Variants in SCFD2 observed in about 807,000 individuals in gnomAD.
SCFD2 encodes sec1 family domain-containing protein 2.
In SCFD2, 54 loss-of-function variants were observed where a neutral mutation model predicts 58.9. The observed-to-expected ratio is 0.92, with a 90% CI of 0.74 to 1.15. The LOEUF (loss-of-function observed/expected upper bound fraction) is 1.15, where lower values mean the gene tolerates loss of function less well. Among genes scored for constraint, SCFD2 ranks in the 50% most tolerant of loss-of-function variants. SCFD2 has a pLI of 0.00. For missense variants in SCFD2, 805 were observed against 836.6 expected, an observed-to-expected ratio of 0.96 and a Z score of 0.47; for synonymous variants, 321 against 335.9, an observed-to-expected ratio of 0.96 and a Z score of 0.49.
intron 5 of SCFD2, among the ~76,000 whole-genome samples, chr4:53,049,103 C>T (rs1157534493): frequency 1.3e-5 from 2 of 152,178 alleles, no homozygotes; most frequent in Non-Finnish European, 1.5e-5. Context: ...TTCTTTCAAC[C>T]CAGTTCAGTT....
chr4:52,956,160 A>C (rs1720707595), intron 5 of SCFD2: 1 of 456,562 alleles, frequency 2.2e-6, no homozygotes, highest in Non-Finnish European at 4.4e-6. Flanking sequence ...GAAGCCCAAG[A>C]CTACTGCTGG....
chr4:53,240,183 CG>C (rs1729850461), intron 4 of SCFD2, among the ~76,000 whole-genome samples: 1 of 152,126 alleles, frequency 6.6e-6, no homozygotes, highest in African/African-American at 2.4e-5. Flanking sequence ...GATATGAAGT[CG>C]GGCCCAGGTC....
intron 1 of SCFD2, among the ~76,000 whole-genome samples, chr4:53,358,471 T>C (rs1734459976): frequency 6.6e-6 from 1 of 151,948 alleles, no homozygotes; most frequent in Admixed American, 6.6e-5. Context: ...AAGAATCATT[T>C]GAACCTGGAA....
chr4:52,957,389 C>T (rs1420128528), intron 5 of SCFD2: 1 of 152,212 alleles, frequency 6.6e-6, no homozygotes, highest in Non-Finnish European at 1.5e-5. Context: ...TTTAAAGAAT[C>T]AGCGGGATAG....
In SCFD2 at chr4:52,873,527, A is replaced by T. The variant is rs954513762; in HGVS notation, c.*442T>A. 5 of 156,258 alleles carry T rather than the reference A, an allele frequency of 3.2e-5. No individual in the cohort carries two copies. Among genetic ancestry groups the T allele is most frequent in the African/African-American group, 1.2e-4 (5 of 41,472 alleles). 9.7% of individuals were successfully genotyped at this position (156,258 alleles called of 1,614,324 possible). A position where few individuals can be genotyped will look rare whatever the true frequency, so the allele number is the denominator to read the frequency against. On this transcript the variant is annotated 3_prime_UTR_variant, in exon 9 of 9. Transcript: ENST00000401642. Reference sequence around the variant, plus strand: ...TTTGCAATGTTCCCTCCTCAGTTATATAATCCTAAGGAACATCAAATTTTC... The same window carrying T: ...TTTGCAATGTTCCCTCCTCAGTTATTTAATCCTAAGGAACATCAAATTTTC...
intron 3 of SCFD2, among the ~76,000 whole-genome samples, chr4:53,302,110 G>C (rs1201760667): frequency 3.3e-5 from 5 of 152,216 alleles, no homozygotes; most frequent in South Asian, 2.1e-4. Context: ...AGGGCAATCA[G>C]GCAGGAGAAG....
At chr4:53,355,894 G>A (rs1219104441) in intron 1 of SCFD2, among the ~76,000 whole-genome samples, 5 of 152,146 alleles carry the variant, frequency 3.3e-5, no homozygotes, top group African/African-American at 9.7e-5. Flanking sequence ...TTCGGCCTCT[G>A]TTCAAATGTC....
chr4:52,882,706 G>A (rs1463316942), intron 8 of SCFD2, among the ~76,000 whole-genome samples: 1 of 152,162 alleles, frequency 6.6e-6, no homozygotes, highest in Non-Finnish European at 1.5e-5. Flanking sequence ...TTCAGCTTTT[G>A]GACTCAGACT....
chr4:53,043,532 A>G (rs1238349688), intron 5 of SCFD2, among the ~76,000 whole-genome samples: 1 of 152,206 alleles, frequency 6.6e-6, no homozygotes, highest in Non-Finnish European at 1.5e-5. Context: ...AATAATAATT[A>G]TCTGGAACAA....
Position 52,973,266 on chromosome 4 carries a change from C to T in SCFD2, c.1562-52396G>A, listed in dbSNP as rs559189602. On this transcript the variant is annotated intron_variant, in intron 5 of 8. Coordinates refer to ENST00000401642, the MANE Select transcript of SCFD2 (RefSeq NM_152540.4). ...GAAAAGATCAACAAAATTGATAGAC[C>T]GCTAGCAATACTAATAAAGAAGAAA... 1.5e-3 allele frequency among the ~76,000 whole-genome samples: 228 copies of T among 151,242 alleles called. 5 individuals are homozygous for T. The South Asian group carries it at 0.043, about 28-fold the overall frequency.
At chr4:53,126,836 T>A (rs1464133011) in intron 5 of SCFD2, among the ~76,000 whole-genome samples, 2 of 152,030 alleles carry the variant, frequency 1.3e-5, no homozygotes, top group Non-Finnish European at 2.9e-5. Context: ...CCCAAAAAGT[T>A]ATTTGGCCTG....
chr4:52,900,591 G>C (rs562953448), intron 7 of SCFD2, among the ~76,000 whole-genome samples: 1 of 152,220 alleles, frequency 6.6e-6, no homozygotes, highest in Non-Finnish European at 1.5e-5. Context: ...GGGGGTCAGG[G>C]ACCCACTTGA....
chr4:53,129,986 T>C (rs1367564991), intron 5 of SCFD2, among the ~76,000 whole-genome samples: 1 of 152,228 alleles, frequency 6.6e-6, no homozygotes, highest in Admixed American at 6.5e-5. Flanking sequence ...TAAATTAGTT[T>C]ACATTTTATT....
At chr4:53,050,085 G>A (rs1723148339) in intron 5 of SCFD2, among the ~76,000 whole-genome samples, 1 of 152,160 alleles carries the variant, frequency 6.6e-6, no homozygotes, top group African/African-American at 2.4e-5. Flanking sequence ...CACATGCAAA[G>A]GTAGTCATAT....
At chr4:52,934,974 C>T (rs1432479755) in intron 5 of SCFD2, among the ~76,000 whole-genome samples, 3 of 152,122 alleles carry the variant, frequency 2.0e-5, no homozygotes, top group Admixed American at 6.5e-5. Context: ...ATACAGTAGC[C>T]GCTAGCTACT....
intron 5 of SCFD2, among the ~76,000 whole-genome samples, chr4:53,071,679 G>A (rs1723818111): frequency 6.6e-6 from 1 of 151,864 alleles, no homozygotes; most frequent in Admixed American, 6.6e-5. Context: ...AAATCCCATG[G>A]TCTTATCACT....
intron 4 of SCFD2, among the ~76,000 whole-genome samples, chr4:53,216,421 A>T (rs1412106781): frequency 6.6e-6 from 1 of 152,146 alleles, no homozygotes; most frequent in African/African-American, 2.4e-5. Context: ...TAGATTTTCT[A>T]GTTTATTTGC....
At chr4:53,063,091 G>C (rs1193989893) in intron 5 of SCFD2, among the ~76,000 whole-genome samples, 1 of 152,054 alleles carries the variant, frequency 6.6e-6, no homozygotes, top group Non-Finnish European at 1.5e-5. Context: ...AAATACCTAA[G>C]ACAAGGTTTT....
chr4:53,220,793 GGAA>G (rs1408585098), intron 4 of SCFD2, among the ~76,000 whole-genome samples: 1 of 152,174 alleles, frequency 6.6e-6, no homozygotes, highest in Non-Finnish European at 1.5e-5. Flanking sequence ...AATGGTTTGG[GGAA>G]GAAGAATTCC....
Sources: gnomAD v4.1 joint callset for allele counts (sites outside exome capture counted in the v4.1 genomes callset) on GRCh38, gnomAD v4.1.1 for gene constraint, MANE v1.5 for transcripts, NCBI Gene and HGNC (gene_info 2026-07-23, HGNC 2026-07-21) for gene names.